CD2AP: variants seen among roughly 807,000 people sequenced by gnomAD.
The protein encoded by CD2AP is CD2-associated protein.
A neutral mutation model predicts 85.1 loss-of-function variants in CD2AP; 46 were observed. The observed-to-expected ratio is 0.54, with a 90% CI of 0.43 to 0.69. CD2AP has a LOEUF of 0.69. CD2AP is among the 30% of genes least tolerant of loss of function. The probability of loss-of-function intolerance (pLI) is 0.00; values close to 1 mark genes in which losing one functional copy is unlikely to be tolerated. For missense variants in CD2AP, 769 were observed against 729.5 expected, an observed-to-expected ratio of 1.05 and a Z score of -0.62; for synonymous variants, 255 against 252.9, an observed-to-expected ratio of 1.01 and a Z score of -0.08.
chr6:47,595,814 TA>T, intron 11 of CD2AP, 46 bp from the exon 12 acceptor site: 1 of 1,547,474 alleles, frequency 6.5e-7, no homozygotes, highest in Non-Finnish European at 8.9e-7. Context: ...TAGAAAAACC[TA>T]AATAATTTTG....
chr6:47,505,580 GCCCCTCACCT>G (rs1766124195), intron 2 of CD2AP, among the ~76,000 whole-genome samples: 2 of 143,194 alleles, frequency 1.4e-5, no homozygotes, highest in Non-Finnish European at 3.1e-5. Flanking sequence ...GGGCAGAGGC[GCCCCTCACCT>G]CCCGGACGGG....
chr6:47,572,070 A>G (rs1401394358), intron 5 of CD2AP, among the ~76,000 whole-genome samples: 1 of 152,178 alleles, frequency 6.6e-6, no homozygotes, highest in Admixed American at 6.5e-5. Context: ...AGATGTCAGT[A>G]ACACTCCCCC....
At position 47,509,604 on chromosome 6, in the gene CD2AP, T is replaced by C. The variant is rs192747779; in HGVS notation, c.165+6164T>C. Among the ~76,000 whole-genome samples the C allele has an allele frequency of 9.2e-5, 14 of 152,318 alleles. No homozygotes were observed. The East Asian group carries it at 2.5e-3, about 27-fold the overall frequency. On this transcript the variant is annotated intron_variant, in intron 2 of 17. Coordinates refer to ENST00000359314, the MANE Select transcript of CD2AP (RefSeq NM_012120.3). ...AGGGAATTGAATATTTAGAGCAAGG[T>C]CACTTCATTTTTTGTTTTATGAATT...
intron 5 of CD2AP, among the ~76,000 whole-genome samples, chr6:47,564,511 A>G (rs575541691): frequency 3.9e-5 from 6 of 152,094 alleles, no homozygotes; most frequent in Admixed American, 1.3e-4. Context: ...AACTGCGCAG[A>G]ATTTTATCTG....
intron 1 of CD2AP, among the ~76,000 whole-genome samples, chr6:47,482,080 C>G (rs998170466): frequency 6.6e-6 from 1 of 152,178 alleles, no homozygotes; most frequent in East Asian, 1.9e-4. Flanking sequence ...TTGATTCATA[C>G]AGATAAGTAG....
chr6:47,605,603 G>A (rs965546445), intron 13 of CD2AP, among the ~76,000 whole-genome samples: 1 of 151,796 alleles, frequency 6.6e-6, no homozygotes, highest in African/African-American at 2.4e-5. Context: ...AACAGTTTGA[G>A]TCCCACCTAA....
intron 1 of CD2AP, among the ~76,000 whole-genome samples, chr6:47,492,373 G>T (rs551738069): frequency 2.2e-3 from 201 of 91,986 alleles, no homozygotes; most frequent in African/African-American, 7.5e-3. Context: ...TTTTTTTTGA[G>T]ACAGGGTCTT....
At chr6:47,606,393 C>G (rs948098791) in intron 14 of CD2AP, 116 bp downstream of exon 14, 17 of 710,580 alleles carry the variant, frequency 2.4e-5, no homozygotes, top group Non-Finnish European at 3.8e-5. Flanking sequence ...AGCTCTTATA[C>G]TCAAGTGGCA....
intron 17 of CD2AP, among the ~76,000 whole-genome samples, chr6:47,623,325 A>G (rs1481757889): frequency 6.6e-6 from 1 of 152,232 alleles, no homozygotes; most frequent in Non-Finnish European, 1.5e-5. Flanking sequence ...TGCCATCAGG[A>G]TAAGGCAAGG....
Position 47,478,256 on chromosome 6 carries a change from A to T in CD2AP, c.4+8A>T, listed in dbSNP as rs1320816403. 1 of 1,570,398 alleles carries T rather than the reference A, an allele frequency of 6.4e-7. No homozygotes were observed. On this transcript the variant is annotated splice_region_variant and intron_variant, in intron 1 of 17. Coordinates refer to ENST00000359314, the MANE Select transcript of CD2AP (RefSeq NM_012120.3). Reference sequence around the variant, plus strand: ...CGGGAGCCCCCAGCATGGGTAAGAGACTCGGGCGCTTCCCGCCGCCCGTCC... The same window carrying T: ...CGGGAGCCCCCAGCATGGGTAAGAGTCTCGGGCGCTTCCCGCCGCCCGTCC...
At chr6:47,543,786 G>T (rs952111371) in intron 3 of CD2AP, among the ~76,000 whole-genome samples, 7 of 152,206 alleles carry the variant, frequency 4.6e-5, no homozygotes, top group Non-Finnish European at 1.0e-4. Context: ...TTCAATATAT[G>T]AATTTCGAGG....
intron 5 of CD2AP, among the ~76,000 whole-genome samples, chr6:47,563,474 C>T (rs1767914697): frequency 6.6e-6 from 1 of 152,174 alleles, no homozygotes; most frequent in Non-Finnish European, 1.5e-5. Context: ...AAGCTTCTGT[C>T]CAAAATTGAC....
chr6:47,613,520 T>TTC (rs398048502), intron 17 of CD2AP, among the ~76,000 whole-genome samples: 225 of 152,122 alleles, frequency 1.5e-3, no homozygotes, highest in African/African-American at 5.2e-3. Flanking sequence ...TTTTTTTTTT[T>TTC]CCTGAGCAGT....
At chr6:47,490,903 A>C (rs1480647918) in intron 1 of CD2AP, among the ~76,000 whole-genome samples, 1 of 152,116 alleles carries the variant, frequency 6.6e-6, no homozygotes, top group Non-Finnish European at 1.5e-5. Context: ...AGATTTACTT[A>C]TCTCTGTTGA....
At chr6:47,615,677 C>T (rs1237606155) in intron 17 of CD2AP, among the ~76,000 whole-genome samples, 1 of 152,104 alleles carries the variant, frequency 6.6e-6, no homozygotes, top group East Asian at 1.9e-4. Flanking sequence ...ACCTCCAACA[C>T]TGGGGATTAC....
chr6:47,526,199 T>A (rs995028361), intron 2 of CD2AP, among the ~76,000 whole-genome samples: 1 of 152,150 alleles, frequency 6.6e-6, no homozygotes, highest in Non-Finnish European at 1.5e-5. Context: ...AGTAGTCTGG[T>A]AGAGGCACTA....
chr6:47,538,915 C>G (rs1767127371), intron 3 of CD2AP, among the ~76,000 whole-genome samples: 1 of 152,086 alleles, frequency 6.6e-6, no homozygotes, highest in African/African-American at 2.4e-5. Context: ...CTTACTGAGT[C>G]TGAAATTTCA....
In CD2AP at chr6:47,521,245, C is replaced by A. The variant is rs1274677772; in HGVS notation, c.166-12357C>A. Among the ~76,000 whole-genome samples, 4 of 152,038 alleles carry A rather than the reference C, an allele frequency of 2.6e-5. No individual in the cohort carries two copies. In the East Asian group the frequency reaches 5.8e-4, roughly 22 times the overall value. ...CTAAATACTCATAATTATAAAAGTT[C>A]TTTTCTATTAGAAGTGGCATAGTAG... On this transcript the variant is annotated intron_variant, in intron 2 of 17. Transcript: ENST00000359314.
chr6:47,607,024 C>T (rs765462286), intron 14 of CD2AP, among the ~76,000 whole-genome samples: 1 of 151,892 alleles, frequency 6.6e-6, no homozygotes, highest in African/African-American at 2.4e-5. Context: ...TCCATTAGTT[C>T]AGTTGTTTTA....
Sources: gnomAD v4.1 joint callset for allele counts (sites outside exome capture counted in the v4.1 genomes callset) on GRCh38, gnomAD v4.1.1 for gene constraint, MANE v1.5 for transcripts, NCBI Gene and HGNC (gene_info 2026-07-23, HGNC 2026-07-21) for gene names.